The following HS6ST2 variants were observed in gnomAD, a reference collection of about 807,000 sequenced individuals.
HS6ST2 encodes heparan sulfate 6-O-sulfotransferase 2.
Under a neutral mutation model 33.0 loss-of-function variants are expected in HS6ST2, and 17 were observed. The observed-to-expected ratio is 0.52, with a 90% CI of 0.35 to 0.77. The LOEUF is 0.77. HS6ST2 is among the 30% of genes least tolerant of loss of function. The pLI is 0.01. For missense variants in HS6ST2, 519 were observed against 551.7 expected (o/e 0.94, Z 0.59); for synonymous variants, 248 against 237.1 (o/e 1.05, Z -0.42).
At chrX:132,636,321 A>C (rs1207192925) in intron 4 of HS6ST2, among the ~76,000 whole-genome samples, 1 of 111,935 alleles carries the variant, frequency 8.9e-6, no homozygotes, top group Non-Finnish European at 1.9e-5. Flanking sequence ...TATACCTGTA[A>C]TGGAGCATTT....
chrX:132,941,835 C>T (rs2066891099), intron 2 of HS6ST2, among the ~76,000 whole-genome samples: 1 of 110,658 alleles, frequency 9.0e-6, no homozygotes, highest in Admixed American at 9.7e-5. Flanking sequence ...TAAAAACAAA[C>T]TGAAGGAGGC....
intron 4 of HS6ST2, among the ~76,000 whole-genome samples, chrX:132,660,912 C>A (rs772609420): frequency 7.1e-5 from 8 of 112,011 alleles, no homozygotes; most frequent in African/African-American, 2.6e-4. Context: ...AGGAAACTTA[C>A]AATCATGGTC....
intron 2 of HS6ST2, among the ~76,000 whole-genome samples, chrX:132,753,530 C>A (rs2064728410): frequency 8.9e-6 from 1 of 112,033 alleles, no homozygotes; most frequent in African/African-American, 3.2e-5. Flanking sequence ...TGCACAAGCT[C>A]TCTTGCCTGC....
chrX:132,873,450 G>T (rs961340243), intron 2 of HS6ST2, among the ~76,000 whole-genome samples: 10 of 111,902 alleles, frequency 8.9e-5, no homozygotes, highest in African/African-American at 3.2e-4. Context: ...GTTATGAAAA[G>T]ATATTAAAAT....
chrX:132,675,530 A>G (rs1030806264), intron 3 of HS6ST2, among the ~76,000 whole-genome samples: 2 of 111,781 alleles, frequency 1.8e-5, no homozygotes, highest in Non-Finnish European at 3.8e-5. Context: ...TCTTCATCCC[A>G]TGCCCATAGT....
At chrX:132,771,248 G>T in intron 2 of HS6ST2, among the ~76,000 whole-genome samples, 1 of 112,292 alleles carries the variant, frequency 8.9e-6, no homozygotes, top group African/African-American at 3.2e-5. Flanking sequence ...AAAGCAAAAT[G>T]ATACACTTTG....
intron 3 of HS6ST2, among the ~76,000 whole-genome samples, chrX:132,686,579 G>A (rs991904818): frequency 9.0e-6 from 1 of 111,670 alleles, no homozygotes; most frequent in African/African-American, 3.3e-5. Flanking sequence ...GTTGAGAAGA[G>A]TGCCACATGC....
intron 2 of HS6ST2, among the ~76,000 whole-genome samples, chrX:132,930,642 T>C (rs2066759125): frequency 9.0e-6 from 1 of 111,181 alleles, no homozygotes; most frequent in African/African-American, 3.3e-5. Flanking sequence ...CCAGGCTGGA[T>C]AATACTATTA....
chrX:132,754,593 AT>A (rs2064739819), intron 2 of HS6ST2, among the ~76,000 whole-genome samples: 1 of 107,730 alleles, frequency 9.3e-6, no homozygotes, highest in Non-Finnish European at 1.9e-5. Context: ...ATTTTTTTAT[AT>A]TTTTAGTAGA....
chrX:132,802,970 C>G (rs890739985), intron 2 of HS6ST2, among the ~76,000 whole-genome samples: 3 of 111,056 alleles, frequency 2.7e-5, no homozygotes, highest in African/African-American at 9.8e-5. Context: ...CCCATTCTGT[C>G]CTTCCTCAGG....
intron 2 of HS6ST2, among the ~76,000 whole-genome samples, chrX:132,714,044 G>A (rs1484846706): frequency 8.9e-6 from 1 of 111,909 alleles, no homozygotes; most frequent in East Asian, 2.8e-4. Flanking sequence ...CCATAAACAC[G>A]GAGCTATTCT....
chrX:132,789,849 G>A (rs926656466), intron 2 of HS6ST2, among the ~76,000 whole-genome samples: 1 of 111,868 alleles, frequency 8.9e-6, no homozygotes, highest in Non-Finnish European at 1.9e-5. Context: ...TAGAGGAGGA[G>A]CAAGATGTGA....
At chrX:132,756,116 T>C (rs1409611642) in intron 2 of HS6ST2, among the ~76,000 whole-genome samples, 1 of 112,142 alleles carries the variant, frequency 8.9e-6, no homozygotes, top group African/African-American at 3.2e-5. Context: ...GTAAGCTGTC[T>C]AACACAGGTC....
At chrX:132,674,479 C>T (rs1238602442) in intron 3 of HS6ST2, among the ~76,000 whole-genome samples, 2 of 111,790 alleles carry the variant, frequency 1.8e-5, no homozygotes, top group African/African-American at 6.5e-5. Context: ...TTATCTTGCC[C>T]TCTCCCATTC....
At chrX:132,933,238 G>C (rs181525213) in intron 2 of HS6ST2, among the ~76,000 whole-genome samples, 49 of 110,232 alleles carry the variant, frequency 4.4e-4, no homozygotes, top group Non-Finnish European at 7.9e-4. Flanking sequence ...TGAGGTGGGA[G>C]AACTGCTTGA....
intron 2 of HS6ST2, among the ~76,000 whole-genome samples, chrX:132,900,944 T>C (rs951664151): frequency 8.9e-6 from 1 of 112,298 alleles, no homozygotes; most frequent in Non-Finnish European, 1.9e-5. Context: ...GTTCACCCTC[T>C]CTTATTATCT....
intron 2 of HS6ST2, among the ~76,000 whole-genome samples, chrX:132,948,465 T>A (rs1225756243): frequency 1.8e-5 from 2 of 112,375 alleles, no homozygotes; most frequent in Non-Finnish European, 3.8e-5. Context: ...GTATTTTGAA[T>A]CGGCGTGTGT....
chrX:132,677,431 C>A (rs1569480127), intron 3 of HS6ST2, among the ~76,000 whole-genome samples: 2 of 112,174 alleles, frequency 1.8e-5, no homozygotes, highest in African/African-American at 6.5e-5. Flanking sequence ...ATATTAACTT[C>A]TTTAAGGACA....
chrX:132,808,164 A>G (rs755378319), intron 2 of HS6ST2, among the ~76,000 whole-genome samples: 7 of 111,662 alleles, frequency 6.3e-5, no homozygotes, highest in Admixed American at 4.8e-4. Flanking sequence ...CACAGGATGA[A>G]TAAAAACAAG....
Sources: allele counts gnomAD v4.1 joint callset (sites outside exome capture counted in the v4.1 genomes callset), GRCh38; gene constraint gnomAD v4.1.1; transcripts MANE v1.5; gene names NCBI Gene and HGNC (gene_info 2026-07-23, HGNC 2026-07-21).